Variants in SLC4A10 observed in about 807,000 individuals in gnomAD.
The protein encoded by SLC4A10 is sodium-driven chloride bicarbonate exchanger.
A neutral mutation model predicts 137.7 loss-of-function variants in SLC4A10; 42 were observed. That is an observed-to-expected ratio of 0.30 (90% CI 0.24 to 0.39). The LOEUF is 0.39. Among genes scored for constraint, SLC4A10 ranks in the 10% least tolerant of loss-of-function variants. The pLI, the probability that SLC4A10 is intolerant of heterozygous loss-of-function variation, is 1.00. For synonymous variants in SLC4A10, 474 were observed against 464.1 expected, an observed-to-expected ratio of 1.02 and a Z score of -0.27; for missense variants, 925 against 1,355.0, an observed-to-expected ratio of 0.68 and a Z score of 4.98.
chr2:161,919,461 C>T (rs1419366275), intron 15 of SLC4A10, among the ~76,000 whole-genome samples: 2 of 152,072 alleles, frequency 1.3e-5, no homozygotes, highest in Non-Finnish European at 2.9e-5. Flanking sequence ...CACACTTCTT[C>T]CCCTCTGGAG....
At chr2:161,779,408 A>G (rs72877365) in intron 2 of SLC4A10, among the ~76,000 whole-genome samples, 473 of 152,084 alleles carry the variant, frequency 3.1e-3, no homozygotes, top group Non-Finnish European at 4.8e-3. Context: ...AGATAATATA[A>G]GTAAAGCACC....
intron 1 of SLC4A10, among the ~76,000 whole-genome samples, chr2:161,758,448 G>A (rs183733180): frequency 8.6e-5 from 13 of 151,760 alleles, no homozygotes; most frequent in South Asian, 2.1e-4. Flanking sequence ...ATCCATAAGC[G>A]TTTCAAATAT....
chr2:161,981,706 G>A (rs547983817), intron 26 of SLC4A10, among the ~76,000 whole-genome samples: 6 of 152,294 alleles, frequency 3.9e-5, no homozygotes, highest in East Asian at 1.9e-4. Context: ...TTAAAAATAC[G>A]AGTTAGGGCT....
intron 3 of SLC4A10, among the ~76,000 whole-genome samples, chr2:161,825,865 G>T (rs985586590): frequency 1.3e-5 from 2 of 152,230 alleles, no homozygotes; most frequent in African/African-American, 4.8e-5. Flanking sequence ...ATCCTTTATA[G>T]CCAGCCTCTG....
At chr2:161,687,605 T>C (rs1220202748) in intron 1 of SLC4A10, among the ~76,000 whole-genome samples, 2 of 152,218 alleles carry the variant, frequency 1.3e-5, no homozygotes, top group Non-Finnish European at 2.9e-5. Flanking sequence ...GAATGTTTTA[T>C]GGACATTTGT....
intron 2 of SLC4A10, among the ~76,000 whole-genome samples, chr2:161,779,124 T>C (rs1230398264): frequency 6.6e-6 from 1 of 151,974 alleles, no homozygotes; most frequent in Non-Finnish European, 1.5e-5. Flanking sequence ...GAAGTGGCCA[T>C]GTGTGAAAGG....
At position 161,913,653 on chromosome 2, in the gene SLC4A10, C is replaced by T. The variant is rs993946965; in HGVS notation, c.1997+7766C>T. 2.0e-5 allele frequency among the ~76,000 whole-genome samples: 3 copies of T among 152,170 alleles called. No individual in the cohort carries two copies. The East Asian group carries it at 5.8e-4, about 29-fold the overall frequency. ...AGCAGATAAGATCTATTTTATAGAA[C>T]AAGTTATGACTTCTGACCTACCAGT... On this transcript the variant is annotated intron_variant, in intron 15 of 26. Transcript: ENST00000446997.
At chr2:161,884,638 A>C (rs1343389288) in intron 10 of SLC4A10, among the ~76,000 whole-genome samples, 1 of 152,210 alleles carries the variant, frequency 6.6e-6, no homozygotes, top group Non-Finnish European at 1.5e-5. Flanking sequence ...TTTAGACTTG[A>C]AAGTTTCAGA....
At chr2:161,724,655 C>G (rs2046037731) in intron 1 of SLC4A10, among the ~76,000 whole-genome samples, 1 of 152,108 alleles carries the variant, frequency 6.6e-6, no homozygotes, top group Admixed American at 6.5e-5. Context: ...GTCTTAAATT[C>G]TACTGTTTAG....
chr2:161,848,264 T>G (rs1293320011), intron 4 of SLC4A10, among the ~76,000 whole-genome samples: 1 of 152,194 alleles, frequency 6.6e-6, no homozygotes, highest in African/African-American at 2.4e-5. Flanking sequence ...TTGAGTTCCT[T>G]AAAGATTCTG....
At chr2:161,930,334 G>T (rs1690106886) in intron 15 of SLC4A10, among the ~76,000 whole-genome samples, 1 of 150,712 alleles carries the variant, frequency 6.6e-6, no homozygotes, top group Non-Finnish European at 1.5e-5. Flanking sequence ...TCAAAGGAGT[G>T]ATTTGCAGAT....
At chr2:161,644,237 C>T (rs925768490) in intron 1 of SLC4A10, among the ~76,000 whole-genome samples, 1 of 152,072 alleles carries the variant, frequency 6.6e-6, no homozygotes, top group Admixed American at 6.6e-5. Flanking sequence ...TTGCTCACAC[C>T]TGTATTCCTA....
In SLC4A10 at chr2:161,905,643, G is replaced by C. The variant is rs1684196507; in HGVS notation, c.1753G>C (p.Glu585Gln). Reference protein sequence around the residue: ...FEKILFKFCKEYGLSYLSLRA... With the variant: ...FEKILFKFCKQYGLSYLSLRA... ...GTTCTTTCCTTTTCCTCCTCCCAGA[G>C]AATATGGGCTGTCATACCTATCTTT... Residue 585 changes from glutamate to glutamine, a missense_variant and splice_region_variant, in exon 15 of 27, where the codon GAA (glutamate) becomes CAA (glutamine). Physicochemically the swap from Glu to Gln is conservative, Grantham distance 29. Around this residue, in one of 11 missense-constraint regions of SLC4A10, gnomAD observed 61 missense variants for 168.0 expected, o/e 0.36. Coordinates refer to ENST00000446997, the MANE Select transcript of SLC4A10 (RefSeq NM_001178015.2). 6.3e-7 allele frequency: 1 copy of C among 1,597,710 alleles called. No individual in the cohort carries two copies. Among genetic ancestry groups the C allele is most frequent in the Non-Finnish European group, 8.5e-7 (1 of 1,172,740 alleles).
Position 161,903,910 on chromosome 2 carries a change from G to A in SLC4A10, c.1443-94G>A, listed in dbSNP as rs764733452. ...TGTCTCACCTCTGCTGATGGAAAAC[G>A]TATACTGTGACCTGGCAACAAAGCA... On this transcript the variant is annotated intron_variant, in intron 12 of 26. Transcript: ENST00000446997. The A allele has an allele frequency of 2.4e-5, 31 of 1,273,790 alleles. No homozygotes were observed. In the East Asian group the frequency reaches 3.8e-4, roughly 16 times the overall value. The allele number at this position is 1,273,790 out of a possible 1,614,324, so 78.9% of individuals were successfully genotyped here.
chr2:161,864,201 CA>C (rs1288862734), intron 6 of SLC4A10, among the ~76,000 whole-genome samples: 35 of 137,706 alleles, frequency 2.5e-4, no homozygotes, highest in Non-Finnish European at 2.2e-4. Flanking sequence ...GACTCTGTCT[CA>C]AAAAAAAAAA....
intron 1 of SLC4A10, among the ~76,000 whole-genome samples, chr2:161,752,511 G>A (rs1181381322): frequency 6.6e-6 from 1 of 151,980 alleles, no homozygotes; most frequent in Non-Finnish European, 1.5e-5. Context: ...TATATCTGAA[G>A]GTTATGAAAG....
At chr2:161,710,892 T>A (rs1414302587) in intron 1 of SLC4A10, 7 of 261,082 alleles carry the variant, frequency 2.7e-5, no homozygotes, top group Non-Finnish European at 4.7e-5. Flanking sequence ...TCAAGGAGAT[T>A]AGAAAATATA....
intron 26 of SLC4A10, among the ~76,000 whole-genome samples, chr2:161,981,010 T>C (rs1700147806): frequency 2.0e-5 from 3 of 152,240 alleles, no homozygotes; most frequent in Admixed American, 6.5e-5. Flanking sequence ...TTCTGCTTCA[T>C]AGTTTGCTGA....
chr2:161,762,035 T>C (rs1182646459), intron 1 of SLC4A10, among the ~76,000 whole-genome samples: 3 of 152,136 alleles, frequency 2.0e-5, no homozygotes, highest in African/African-American at 7.2e-5. Flanking sequence ...TTGCTTTGCG[T>C]AAATAAATGA....
Sources: allele counts gnomAD v4.1 joint callset (sites outside exome capture counted in the v4.1 genomes callset), GRCh38; gene constraint gnomAD v4.1.1; regional missense constraint gnomAD v4.1.1; transcripts MANE v1.5; gene names NCBI Gene and HGNC (gene_info 2026-07-23, HGNC 2026-07-21).